Variants in PITPNM2 observed in about 807,000 individuals in gnomAD.
The protein encoded by PITPNM2 is phosphatidylinositol transfer protein membrane associated 2.
PITPNM2 carries 35 observed loss-of-function variants against 132.2 expected under a neutral mutation model. The ratio of observed to expected loss-of-function variants is 0.26; its 90% CI spans 0.20 to 0.35. The LOEUF (loss-of-function observed/expected upper bound fraction) is 0.35. Among genes scored for constraint, PITPNM2 ranks in the 10% least tolerant of loss-of-function variants. PITPNM2 has a pLI of 1.00. For missense variants in PITPNM2, 1,332 were observed against 1,912.0 expected, an observed-to-expected ratio of 0.70 and a Z score of 5.66; for synonymous variants, 738 against 799.2, an observed-to-expected ratio of 0.92 and a Z score of 1.29.
At chr12:123,074,017 G>A (rs1053409247) in intron 2 of PITPNM2, among the ~76,000 whole-genome samples, 7 of 152,220 alleles carry the variant, frequency 4.6e-5, no homozygotes, top group Non-Finnish European at 8.8e-5. Flanking sequence ...TTCAGGCCAA[G>A]AGCCCAGCAG....
At chr12:123,131,562 C>G (rs1332195864) in intron 1 of PITPNM2, among the ~76,000 whole-genome samples, 2 of 152,176 alleles carry the variant, frequency 1.3e-5, no homozygotes, top group Non-Finnish European at 2.9e-5. Context: ...AGTGCACAAG[C>G]CCCTGCATGC....
intron 1 of PITPNM2, among the ~76,000 whole-genome samples, chr12:123,115,711 A>G (rs570369059): frequency 2.0e-5 from 3 of 152,250 alleles, no homozygotes; most frequent in South Asian, 4.1e-4. Flanking sequence ...CAGAGTGACT[A>G]ATACTATGAG....
intron 2 of PITPNM2, among the ~76,000 whole-genome samples, chr12:123,055,891 G>GACAC (rs34425339): frequency 1.0e-3 from 149 of 149,042 alleles, no homozygotes; most frequent in African/African-American, 3.2e-3. Context: ...ATAGTTTGAA[G>GACAC]ACACACACAC....
intron 2 of PITPNM2, among the ~76,000 whole-genome samples, chr12:123,103,889 T>C (rs1332328860): frequency 6.8e-6 from 1 of 147,324 alleles, no homozygotes; most frequent in Non-Finnish European, 1.5e-5. Flanking sequence ...CTTTATTTAT[T>C]TTGTTATTTT....
chr12:123,125,487 ATTATT>A (rs2043118132), intron 1 of PITPNM2, among the ~76,000 whole-genome samples: 1 of 152,074 alleles, frequency 6.6e-6, no homozygotes, highest in African/African-American at 2.4e-5. Flanking sequence ...TTCAATTCTA[ATTATT>A]TTATGTTTTA....
chr12:123,001,727 G>GT (rs1300422142), intron 8 of PITPNM2, among the ~76,000 whole-genome samples: 6 of 152,258 alleles, frequency 3.9e-5, no homozygotes, highest in East Asian at 1.9e-4. Context: ...GTTCCTGACT[G>GT]TTTTTTTAAA....
chr12:123,060,334 A>G (rs2041191802), intron 2 of PITPNM2, among the ~76,000 whole-genome samples: 1 of 152,126 alleles, frequency 6.6e-6, no homozygotes, highest in East Asian at 1.9e-4. Flanking sequence ...ACCCGTGAGG[A>G]CCCAGCCCGT....
intron 2 of PITPNM2, among the ~76,000 whole-genome samples, chr12:123,068,196 G>GGCCGGGCACA (rs1353720875): frequency 1.3e-5 from 2 of 151,886 alleles, no homozygotes; most frequent in Non-Finnish European, 2.9e-5. Flanking sequence ...GGCCGGGCAC[G>GGCCGGGCACA]GTGGCTCACG....
chr12:123,142,569 C>T (rs1272471060), intron 1 of PITPNM2, among the ~76,000 whole-genome samples: 3 of 152,228 alleles, frequency 2.0e-5, no homozygotes, highest in Non-Finnish European at 4.4e-5. Context: ...ATGGGGAAGG[C>T]TGCAGGCCTC....
rs770818048 is a variant in PITPNM2, at chr12:123,004,488, C to G, written c.954G>C (p.Ala318=). The change falls in exon 8 of 26, where the codon GCG becomes GCC. Residue 318 remains alanine (A), a splice_region_variant and synonymous_variant. Transcript: ENST00000320201. The surrounding 1 kb of genome is among the most constrained non-coding windows in gnomAD (Gnocchi z 4.9). ...SKSSRSSKRG[A]SPSRHSISEW... ...CTGAGATGCTGTGGCGGGAAGGACT[C>G]GCTGGAAGGCAAAACCCCAGATTGA... The G allele has an allele frequency of 1.2e-5, 20 of 1,613,470 alleles. No individual in the cohort carries two copies. The highest frequency in any genetic ancestry group is 1.6e-5 in the Non-Finnish European group (19 of 1,179,960).
intron 2 of PITPNM2, among the ~76,000 whole-genome samples, chr12:123,073,026 T>G (rs1052308845): frequency 5.9e-5 from 9 of 152,100 alleles, no homozygotes; most frequent in African/African-American, 2.2e-4. Context: ...CCTGCCCCCC[T>G]CCCCAGAGCT....
At chr12:123,026,476 GTTCT>G (rs2039867116) in intron 3 of PITPNM2, among the ~76,000 whole-genome samples, 1 of 152,264 alleles carries the variant, frequency 6.6e-6, no homozygotes, top group South Asian at 2.1e-4. Flanking sequence ...GCAGTTTGTG[GTTCT>G]TTGTTATGGC....
chr12:123,123,089 TAC>T (rs2043063074), intron 1 of PITPNM2, among the ~76,000 whole-genome samples: 1 of 152,250 alleles, frequency 6.6e-6, no homozygotes, highest in Non-Finnish European at 1.5e-5. Context: ...AGATGCCTGC[TAC>T]AGCACTGTTT....
chr12:123,030,199 G>A (rs1338546643), intron 3 of PITPNM2, among the ~76,000 whole-genome samples: 1 of 152,126 alleles, frequency 6.6e-6, no homozygotes. Flanking sequence ...ATACTCACTA[G>A]GGTAGCATTT....
At chr12:122,995,860 GGCCGTTTTCCACTAT>G (rs1473247432) in intron 13 of PITPNM2, among the ~76,000 whole-genome samples, 200 bp from the exon 14 acceptor site, 1 of 152,180 alleles carries the variant, frequency 6.6e-6, no homozygotes, top group African/African-American at 2.4e-5. Context: ...TTGGTCTACA[GGCCGTTTTCCACTAT>G]GCAGCAGAGG....
In PITPNM2 at chr12:123,095,592, G is replaced by A. The variant is rs530087185; in HGVS notation, c.-96+14793C>T. Among the ~76,000 whole-genome samples, 1 of 152,042 alleles carries A rather than the reference G, an allele frequency of 6.6e-6. No individual in the cohort carries two copies. The highest frequency in any genetic ancestry group is 6.5e-5 in the Admixed American group (1 of 15,276). On this transcript the variant is annotated intron_variant, in intron 2 of 25. Transcript: ENST00000320201. The surrounding 1 kb of genome is among the most constrained non-coding windows in gnomAD (Gnocchi z 5.0). The stretch of plus-strand genomic sequence containing the variant: ...ACACATCGGAGTGTGTCACTTCTCT[G>A]AGTAAAGGCCCTCAACGCTCCCCTT...
In PITPNM2 at chr12:123,022,475, GA is replaced by G. The variant is rs930314359; in HGVS notation, c.79-8434del. ...GCAGGCAGGGAGAGAGGGCTTCCTG[GA>G]AAAAGAGGCTACCAAGGGAGGCAAA... On this transcript the variant is annotated intron_variant, in intron 3 of 25. Transcript: ENST00000320201. The surrounding 1 kb of genome is among the most constrained non-coding windows in gnomAD (Gnocchi z 4.9). 1.3e-5 allele frequency among the ~76,000 whole-genome samples: 2 copies of G among 152,204 alleles called. No individual in the cohort carries two copies. The highest frequency in any genetic ancestry group is 4.8e-5 in the African/African-American group (2 of 41,530).
rs373389011 is a variant in PITPNM2, at chr12:123,010,040, G to A, written c.453C>T (p.Asn151=). 22 of 1,614,008 alleles carry A rather than the reference G, an allele frequency of 1.4e-5. No homozygotes were observed. The highest frequency in any genetic ancestry group is 1.6e-4 in the Middle Eastern group (1 of 6,084). ...TGGGGTCCTCTTCTGTCTTATACTC[G>A]TTGTGGGGCACAGGGTCTTTGACAA... ...IDIVKDPVPH[N]EYKTEEDPKL... Residue 151 remains asparagine (N), a synonymous_variant, in exon 6 of 26, where the codon AAC becomes AAT. Transcript: ENST00000320201.
chr12:123,135,262 A>T (rs1456493612), intron 1 of PITPNM2, among the ~76,000 whole-genome samples: 1 of 152,154 alleles, frequency 6.6e-6, no homozygotes, highest in Non-Finnish European at 1.5e-5. Context: ...TTCAGGTTCC[A>T]TTTTTTTAAA....
Sources: allele counts gnomAD v4.1 joint callset (sites outside exome capture counted in the v4.1 genomes callset), GRCh38; gene constraint gnomAD v4.1.1; non-coding constraint Gnocchi (gnomAD v3.1); transcripts MANE v1.5; gene names NCBI Gene and HGNC (gene_info 2026-07-23, HGNC 2026-07-21).